Variants in BZW1 observed in about 807,000 individuals in gnomAD.
The protein encoded by BZW1 is basic leucine zipper and W2 domains 1.
BZW1 carries 3 observed loss-of-function variants against 54.1 expected under a neutral mutation model. The observed-to-expected ratio is 0.06, with a 90% CI of 0.03 to 0.14. The LOEUF (loss-of-function observed/expected upper bound fraction) is 0.14. BZW1 is among the 10% of genes least tolerant of loss of function. The pLI, the probability that BZW1 is intolerant of heterozygous loss-of-function variation, is 1.00. For missense variants in BZW1, 206 were observed against 491.7 expected, an observed-to-expected ratio of 0.42 and a Z score of 5.50; for synonymous variants, 152 against 162.7, an observed-to-expected ratio of 0.93 and a Z score of 0.50.
In BZW1 at chr2:200,812,497, A is replaced by G. The variant is rs562809983; in HGVS notation, c.-11+507A>G. On this transcript the variant is annotated intron_variant, in intron 1 of 11. Transcript: ENST00000409600. ...GGCCGCCACCGCAGGCGACAGGGTCAGTGGAGAAAGAGCCGCGGGACCCTA... is the reference window on the plus strand; with the variant it reads ...GGCCGCCACCGCAGGCGACAGGGTCGGTGGAGAAAGAGCCGCGGGACCCTA... 364 of 1,371,912 alleles carry G rather than the reference A, an allele frequency of 2.7e-4. 5 individuals carry two copies. In the South Asian group the frequency reaches 6.0e-3, roughly 23 times the overall value. The allele number at this position is 1,371,912 out of a possible 1,614,324, so 85.0% of individuals were successfully genotyped here.
In BZW1 at chr2:200,818,932, T is replaced by A. The variant is rs1406584544; in HGVS notation, c.966+31T>A. 5 of 1,524,932 alleles carry A rather than the reference T, an allele frequency of 3.3e-6. No individual in the cohort carries two copies. The African/African-American group carries it at 5.7e-5, about 17-fold the overall frequency. 94.5% of individuals were successfully genotyped at this position (1,524,932 alleles called of 1,614,324 possible). A position where few individuals can be genotyped will look rare whatever the true frequency, so the allele number is the denominator to read the frequency against. On this transcript the variant is annotated intron_variant, in intron 9 of 11. Transcript: ENST00000409600. Reference sequence around the variant, plus strand: ...AGAACTATGCCTTGACAAAACAAACTATTCTGCTTTCACGTGGTGATAAGT... The same window carrying A: ...AGAACTATGCCTTGACAAAACAAACAATTCTGCTTTCACGTGGTGATAAGT...
At chr2:200,820,250 G>A (rs2038460431) in intron 10 of BZW1, 130 bp downstream of exon 10, 2 of 813,340 alleles carry the variant, frequency 2.5e-6, no homozygotes, top group East Asian at 5.8e-5. Context: ...AGTCACCTCT[G>A]ATTAAATTGG....
Position 200,824,473 on chromosome 2 carries a change from A to G in BZW1, c.*2295A>G, listed in dbSNP as rs1242679908. ...GTTTCTTAGCCTTACTCTGTGAGTT[A>G]TAGATGTTATTTCATTCTATATATA... On this transcript the variant is annotated 3_prime_UTR_variant, in exon 12 of 12. Transcript: ENST00000409600. The G allele has an allele frequency of 6.6e-6, 1 of 151,934 alleles. No homozygotes were observed. The highest frequency in any genetic ancestry group is 2.4e-5 in the African/African-American group (1 of 41,416). The allele number at this position is 151,934 out of a possible 1,614,324, so 9.4% of individuals were successfully genotyped here. A position where few individuals can be genotyped will look rare whatever the true frequency, so the allele number is the denominator to read the frequency against.
rs1299800598 is a variant in BZW1, at chr2:200,820,134, T to C, written c.1105+14T>C. On this transcript the variant is annotated intron_variant, in intron 10 of 11. Transcript: ENST00000409600. ...TTTTTTATAAAGGTAATTTAGATTT[T>C]GAATTTTGTAAATAACACTTAATAA... The C allele has an allele frequency of 2.0e-6, 3 of 1,519,478 alleles. No individual in the cohort carries two copies. Among genetic ancestry groups the C allele is most frequent in the Admixed American group, 2.3e-5 (1 of 43,930 alleles). 94.1% of individuals were successfully genotyped at this position (1,519,478 alleles called of 1,614,324 possible).
intron 11 of BZW1, among the ~76,000 whole-genome samples, chr2:200,821,581 T>G (rs1282067689): frequency 6.6e-6 from 1 of 151,982 alleles, no homozygotes; most frequent in African/African-American, 2.4e-5. Flanking sequence ...ATTAAAAATA[T>G]AGAGACAGAG....
chr2:200,817,108 G>A lies in BZW1; in HGVS notation c.405G>A (p.Leu135=), dbSNP rs771398213. Residue 135 remains leucine (L), a splice_region_variant and synonymous_variant, in exon 6 of 12, where the codon CTG becomes CTA. Coordinates refer to ENST00000409600, the MANE Select transcript of BZW1 (RefSeq NM_001207067.2). ...EKGFEDEVKK[L]LLFLKGFSES... ...CTTAATTGTTTTACTTTTTACAGCT[G>A]CTGCTGTTCTTGAAGGGTTTTTCAG... The A allele has an allele frequency of 1.9e-6, 3 of 1,613,648 alleles. No individual in the cohort carries two copies. Among genetic ancestry groups the A allele is most frequent in the Non-Finnish European group, 2.5e-6 (3 of 1,179,812 alleles).
Position 200,811,945 on chromosome 2 carries a change from C to G in BZW1, c.-56C>G, listed in dbSNP as rs1282219895. On this transcript the variant is annotated 5_prime_UTR_variant, in exon 1 of 12. Coordinates refer to ENST00000409600, the MANE Select transcript of BZW1 (RefSeq NM_001207067.2). ...GCAGAGGAGACACCGCCGCAGTTGC[C>G]GGTACATCGGGGATTTCTGGCTCTT... is the stretch of plus-strand genomic sequence containing the variant. 1 of 289,746 alleles carries G rather than the reference C, an allele frequency of 3.5e-6. No homozygotes were observed. The highest frequency in any genetic ancestry group is 6.4e-6 in the Non-Finnish European group (1 of 156,934). 17.9% of individuals were successfully genotyped at this position (289,746 alleles called of 1,614,324 possible). A position where few individuals can be genotyped will look rare whatever the true frequency, so the allele number is the denominator to read the frequency against.
At chr2:200,812,383 G>A (rs985218118) in intron 1 of BZW1, 8 of 1,284,318 alleles carry the variant, frequency 6.2e-6, no homozygotes, top group South Asian at 2.6e-5. Flanking sequence ...CGCCTCCGCC[G>A]CTGCTTTCGC....
intron 10 of BZW1, 130 bp from the exon 11 acceptor site, chr2:200,821,052 TC>T: frequency 9.0e-7 from 1 of 1,115,546 alleles, no homozygotes; most frequent in Non-Finnish European, 1.3e-6. Flanking sequence ...ATTATTATCT[TC>T]CATTTCTCAT....
chr2:200,812,187 G>T, intron 1 of BZW1, 197 bp downstream of exon 1: 1 of 1,210,092 alleles, frequency 8.3e-7, no homozygotes, highest in South Asian at 4.2e-5. Flanking sequence ...CGGCGGCCCG[G>T]GTGGGGAGGT....
Position 200,822,492 on chromosome 2 carries a change from T to G in BZW1, c.*314T>G, listed in dbSNP as rs1447446151. 1.2e-5 allele frequency: 1 copy of G among 86,850 alleles called. No homozygotes were observed. The allele number at this position is 86,850 out of a possible 1,614,324, so 5.4% of individuals were successfully genotyped here. ...GGCCTTCCACAATGAACAGTTCACT[T>G]TATTCCCTGGGTTTTCTATAAACAG... On this transcript the variant is annotated 3_prime_UTR_variant, in exon 12 of 12. Transcript: ENST00000409600.
At position 200,819,963 on chromosome 2, in the gene BZW1, T is replaced by C; in HGVS notation, c.967-19T>C. On this transcript the variant is annotated intron_variant, in intron 9 of 11. Transcript: ENST00000409600. ...TATTTGTAATGAATGACTAAATCTTTTCTCTGTTCCTTTAAAAGCAATACA... is the reference window on the plus strand; with the variant it reads ...TATTTGTAATGAATGACTAAATCTTCTCTCTGTTCCTTTAAAAGCAATACA... 1.4e-6 allele frequency: 2 copies of C among 1,477,724 alleles called. No individual in the cohort carries two copies. Among genetic ancestry groups the C allele is most frequent in the South Asian group, 1.3e-5 (1 of 74,102 alleles). The allele number at this position is 1,477,724 out of a possible 1,614,324, so 91.5% of individuals were successfully genotyped here.
chr2:200,818,165 A>G (rs1252384052), intron 7 of BZW1, 58 bp from the exon 8 acceptor site: 2 of 1,512,976 alleles, frequency 1.3e-6, no homozygotes, highest in Non-Finnish European at 1.8e-6. Flanking sequence ...CTGTGAAAAG[A>G]AAGTGTTTTT....
rs938632730 is a variant in BZW1, at chr2:200,820,412, G to A, written c.1105+292G>A. On this transcript the variant is annotated intron_variant, in intron 10 of 11. Transcript: ENST00000409600. The stretch of plus-strand genomic sequence containing the variant: ...TCCCAAAGTTCAGCTAGGTGTGGTG[G>A]CTCATACTTGTGACCCCAACACTTT... Among the ~76,000 whole-genome samples the A allele has an allele frequency of 4.7e-4, 72 of 152,192 alleles. 1 individual carries two copies. Among genetic ancestry groups the A allele is most frequent in the Non-Finnish European group, 1.2e-4 (8 of 68,040 alleles).
In BZW1 at chr2:200,824,337, T is replaced by A. The variant is rs1241709217; in HGVS notation, c.*2159T>A. The A allele has an allele frequency of 6.6e-6, 1 of 152,188 alleles. No individual in the cohort carries two copies. The highest frequency in any genetic ancestry group is 1.5e-5 in the Non-Finnish European group (1 of 68,032). The allele number at this position is 152,188 out of a possible 1,614,324, so 9.4% of individuals were successfully genotyped here. A position where few individuals can be genotyped will look rare whatever the true frequency, so the allele number is the denominator to read the frequency against. ...ATGGCCTCAAGTATGTAATTCTTAATATAGATGTTAAATTGTACTTTTAAT... is the reference window on the plus strand; with the variant it reads ...ATGGCCTCAAGTATGTAATTCTTAAAATAGATGTTAAATTGTACTTTTAAT... On this transcript the variant is annotated 3_prime_UTR_variant, in exon 12 of 12. Coordinates refer to ENST00000409600, the MANE Select transcript of BZW1 (RefSeq NM_001207067.2).
In BZW1 at chr2:200,827,269, A is replaced by C. The variant is rs1246777305; in HGVS notation, c.*5091A>C. The C allele has an allele frequency of 2.0e-5, 3 of 152,150 alleles. No individual in the cohort carries two copies. The highest frequency in any genetic ancestry group is 4.4e-5 in the Non-Finnish European group (3 of 68,026). The allele number at this position is 152,150 out of a possible 1,614,324, so 9.4% of individuals were successfully genotyped here. On this transcript the variant is annotated 3_prime_UTR_variant, in exon 12 of 12. Transcript: ENST00000409600. The stretch of plus-strand genomic sequence containing the variant: ...GCGTTATTTCTGTGTTTAACTGTGA[A>C]ACTTGCTTCTTGTCTGTACCCTTGA...
At chr2:200,816,442 G>A (rs1490346342) in intron 5 of BZW1, 52 bp downstream of exon 5, 2 of 1,321,414 alleles carry the variant, frequency 1.5e-6, no homozygotes, top group African/African-American at 1.5e-5. Context: ...GTTAGAAAGA[G>A]GAATGTTAAA....
chr2:200,813,695 A>C (rs1335776184), intron 2 of BZW1, among the ~76,000 whole-genome samples: 3 of 152,202 alleles, frequency 2.0e-5, no homozygotes. Flanking sequence ...TCACCCATGG[A>C]AGTTAATTGT....
rs2105698741 is a variant in BZW1, at chr2:200,818,765, A to G, written c.830A>G (p.Tyr277Cys). 2 of 1,579,468 alleles carry G rather than the reference A, an allele frequency of 1.3e-6. No individual in the cohort carries two copies. The highest frequency in any genetic ancestry group is 1.7e-6 in the Non-Finnish European group (2 of 1,171,518). ...TGGATTCATTTGCAGATAATTTTAT[A>G]TGTCAAGGAGGAGATGAAAAAAAAC... ...RGDPFKDIIL[Y>C]VKEEMKKNNI... Residue 277 changes from tyrosine (Y) to cysteine (C), a missense_variant, in exon 9 of 12, where the codon TAT becomes TGT. By Grantham distance (194) the Tyr-to-Cys change is radical (BLOSUM62 -2). Transcript: ENST00000409600.
Sources: gnomAD v4.1 joint callset for allele counts (sites outside exome capture counted in the v4.1 genomes callset) on GRCh38, gnomAD v4.1.1 for gene constraint, MANE v1.5 for transcripts, NCBI Gene and HGNC (gene_info 2026-07-23, HGNC 2026-07-21) for gene names.